Variants in C8orf34 observed in about 807,000 individuals in gnomAD.
C8orf34 encodes uncharacterized protein C8orf34.
C8orf34 carries 65 observed loss-of-function variants against 68.3 expected under a neutral mutation model. That is an observed-to-expected ratio of 0.95 (90% CI 0.78 to 1.17). C8orf34 has a LOEUF of 1.17. Ranked by LOEUF, C8orf34 falls within the 50% of genes most tolerant of loss-of-function variation. The probability of loss-of-function intolerance (pLI) is 0.00; values close to 1 mark genes in which losing one functional copy is unlikely to be tolerated. For missense variants in C8orf34, 664 were observed against 655.4 expected (o/e 1.01, Z -0.14); for synonymous variants, 244 against 241.2 (o/e 1.01, Z -0.11).
At chr8:68,617,573 G>C (rs1218637649) in intron 7 of C8orf34, among the ~76,000 whole-genome samples, 1 of 152,090 alleles carries the variant, frequency 6.6e-6, no homozygotes, top group Non-Finnish European at 1.5e-5. Context: ...TGAAATTCTG[G>C]GTTGAAAATT....
chr8:68,495,426 A>G (rs1272022585), intron 5 of C8orf34, among the ~76,000 whole-genome samples: 1 of 152,172 alleles, frequency 6.6e-6, no homozygotes, highest in African/African-American at 2.4e-5. Context: ...AGCATTCTAC[A>G]TTATTTGCTT....
At chr8:68,760,743 T>C (rs1823001656) in intron 10 of C8orf34, among the ~76,000 whole-genome samples, 1 of 152,192 alleles carries the variant, frequency 6.6e-6, no homozygotes, top group Admixed American at 6.5e-5. Context: ...TTAATGTAAA[T>C]AATTTGTTGG....
At chr8:68,389,901 A>G (rs1394798687) in intron 1 of C8orf34, among the ~76,000 whole-genome samples, 3 of 152,160 alleles carry the variant, frequency 2.0e-5, no homozygotes, top group African/African-American at 4.8e-5. Flanking sequence ...TTAGGCTTAC[A>G]TAATCCTAAC....
intron 1 of C8orf34, among the ~76,000 whole-genome samples, chr8:68,407,535 TCA>T (rs1809252886): frequency 6.6e-6 from 1 of 152,324 alleles, no homozygotes; most frequent in Non-Finnish European, 1.5e-5. Flanking sequence ...GTCTTTGAAC[TCA>T]CAACATTTCT....
intron 1 of C8orf34, among the ~76,000 whole-genome samples, chr8:68,362,738 A>G (rs1406813419): frequency 6.6e-6 from 1 of 152,018 alleles, no homozygotes; most frequent in South Asian, 2.1e-4. Context: ...CCAAAAACCC[A>G]TCTGTACATC....
intron 10 of C8orf34, among the ~76,000 whole-genome samples, chr8:68,751,765 C>A (rs1822715333): frequency 6.6e-6 from 1 of 151,688 alleles, no homozygotes; most frequent in African/African-American, 2.4e-5. Flanking sequence ...ACTTCTAAGC[C>A]TGCAGATAGA....
intron 9 of C8orf34, among the ~76,000 whole-genome samples, chr8:68,713,386 C>G (rs1821379972): frequency 6.6e-6 from 1 of 151,894 alleles, no homozygotes; most frequent in Non-Finnish European, 1.5e-5. Context: ...AAACAAAAAA[C>G]TGGTTTTTGA....
intron 12 of C8orf34, 67 bp downstream of exon 12, chr8:68,787,603 T>C: frequency 8.6e-7 from 1 of 1,159,886 alleles, no homozygotes; most frequent in Non-Finnish European, 1.2e-6. Flanking sequence ...TAAAGCTATT[T>C]CACTTTCATA....
intron 8 of C8orf34, among the ~76,000 whole-genome samples, chr8:68,701,885 A>G (rs1285473209): frequency 6.6e-6 from 1 of 151,796 alleles, no homozygotes; most frequent in African/African-American, 2.4e-5. Context: ...CACTCCCTGT[A>G]ATGCTCTTTC....
chr8:68,620,327 C>T (rs1199842376), intron 7 of C8orf34, among the ~76,000 whole-genome samples: 1 of 152,066 alleles, frequency 6.6e-6, no homozygotes, highest in African/African-American at 2.4e-5. Context: ...GGCCAGAGTC[C>T]AGGAAGAGGT....
intron 8 of C8orf34, among the ~76,000 whole-genome samples, chr8:68,681,215 A>G (rs1389429806): frequency 6.6e-6 from 1 of 152,216 alleles, no homozygotes; most frequent in East Asian, 1.9e-4. Context: ...AGTTAACACA[A>G]TTATCACAGT....
At chr8:68,527,727 G>C (rs1010221424) in intron 6 of C8orf34, among the ~76,000 whole-genome samples, 1 of 152,178 alleles carries the variant, frequency 6.6e-6, no homozygotes, top group Non-Finnish European at 1.5e-5. Flanking sequence ...TCTTCAGAAA[G>C]CTGTTCTAAG....
chr8:68,359,902 T>C (rs1806911476), intron 1 of C8orf34, among the ~76,000 whole-genome samples: 1 of 152,224 alleles, frequency 6.6e-6, no homozygotes, highest in African/African-American at 2.4e-5. Flanking sequence ...AGCTGGAATC[T>C]ACTCTAATAT....
intron 9 of C8orf34, among the ~76,000 whole-genome samples, chr8:68,717,307 G>T (rs1209763318): frequency 1.3e-5 from 2 of 152,080 alleles, no homozygotes; most frequent in Admixed American, 1.3e-4. Flanking sequence ...ACGGGCTAGC[G>T]GTTAGGATTC....
intron 10 of C8orf34, among the ~76,000 whole-genome samples, chr8:68,756,303 C>T (rs907032926): frequency 6.6e-6 from 1 of 152,122 alleles, no homozygotes; most frequent in South Asian, 2.1e-4. Context: ...CTATAGATCA[C>T]TTACACAGAA....
intron 9 of C8orf34, among the ~76,000 whole-genome samples, chr8:68,718,202 T>C (rs1423368808): frequency 6.6e-6 from 1 of 152,202 alleles, no homozygotes; most frequent in Non-Finnish European, 1.5e-5. Flanking sequence ...TTGGATTATA[T>C]GCTGCTTGAA....
intron 8 of C8orf34, among the ~76,000 whole-genome samples, chr8:68,661,412 T>G (rs571505680): frequency 1.3e-5 from 2 of 152,232 alleles, no homozygotes; most frequent in Non-Finnish European, 2.9e-5. Context: ...ATTTTTCTCC[T>G]TAGCTCAGCT....
chr8:68,741,656 C>T (rs1822298418), intron 10 of C8orf34, among the ~76,000 whole-genome samples: 1 of 152,138 alleles, frequency 6.6e-6, no homozygotes, highest in Admixed American at 6.5e-5. Flanking sequence ...CATCCTTCAA[C>T]TCTTTTATCT....
chr8:68,474,299 A>G (rs1563469887), intron 4 of C8orf34, among the ~76,000 whole-genome samples: 1 of 152,184 alleles, frequency 6.6e-6, no homozygotes, highest in Non-Finnish European at 1.5e-5. Context: ...AGGTGGTGGT[A>G]CCATAACTTA....
Sources: allele counts gnomAD v4.1 joint callset (sites outside exome capture counted in the v4.1 genomes callset), GRCh38; gene constraint gnomAD v4.1.1; transcripts MANE v1.5; gene names NCBI Gene and HGNC (gene_info 2026-07-23, HGNC 2026-07-21).